Variants in XKR9 observed in about 807,000 individuals in gnomAD.
XKR9 encodes the protein XK related 9.
XKR9 carries 32 observed loss-of-function variants against 32.0 expected under a neutral mutation model. That is an observed-to-expected ratio of 1.00 (90% CI 0.76 to 1.34). XKR9 has a LOEUF of 1.34. XKR9 is among the 40% of genes most tolerant of loss of function. The probability of loss-of-function intolerance (pLI) is 0.00; values close to 1 mark genes in which losing one functional copy is unlikely to be tolerated. For missense variants in XKR9, 546 were observed against 429.7 expected (o/e 1.27, Z -2.39); for synonymous variants, 168 against 143.4 (o/e 1.17, Z -1.22).
chr8:70,785,481 A>G (rs1807672653), intron 2 of XKR9, among the ~76,000 whole-genome samples: 1 of 150,974 alleles, frequency 6.6e-6, no homozygotes, highest in African/African-American at 2.4e-5. Context: ...AAACAATTAA[A>G]TTGTTTTTCT....
intron 4 of XKR9, among the ~76,000 whole-genome samples, chr8:70,724,953 G>A (rs1198695953): frequency 6.6e-6 from 1 of 152,140 alleles, no homozygotes; most frequent in Non-Finnish European, 1.5e-5. Flanking sequence ...TTATAAAGAA[G>A]TTTAATCGAC....
chr8:70,856,830 C>T, the XKR9 span, among the ~76,000 whole-genome samples: 6 of 152,092 alleles, frequency 3.9e-5, no homozygotes, highest in South Asian at 2.1e-4. Flanking sequence ...CACTCAAAGC[C>T]GCTCAACTAC....
At chr8:71,055,983 T>C in the XKR9 span, among the ~76,000 whole-genome samples, 1 of 152,198 alleles carries the variant, frequency 6.6e-6, no homozygotes, top group African/African-American at 2.4e-5. Context: ...TTTTTGGAGT[T>C]GCAGTTCTAG....
At chr8:70,873,620 C>A in the XKR9 span, among the ~76,000 whole-genome samples, 2 of 152,146 alleles carry the variant, frequency 1.3e-5, no homozygotes, top group Non-Finnish European at 2.9e-5. Context: ...TTGCTGCAAT[C>A]TCATAATCAA....
chr8:70,743,280 T>C (rs1195608665), intron 2 of XKR9, among the ~76,000 whole-genome samples: 2 of 152,202 alleles, frequency 1.3e-5, no homozygotes, highest in African/African-American at 4.8e-5. Flanking sequence ...AAATTTTATG[T>C]ATTTTTATAT....
chr8:71,015,423 A>G, the XKR9 span, among the ~76,000 whole-genome samples: 4 of 152,276 alleles, frequency 2.6e-5, no homozygotes, highest in South Asian at 8.3e-4. Flanking sequence ...ATTGTTACCT[A>G]ACATCTTACC....
At chr8:70,821,658 G>A in the XKR9 span, among the ~76,000 whole-genome samples, 2 of 152,302 alleles carry the variant, frequency 1.3e-5, no homozygotes, top group South Asian at 2.1e-4. Context: ...GTGCCTTCAC[G>A]ATCAACATCA....
chr8:70,884,877 T>C, the XKR9 span, among the ~76,000 whole-genome samples: 2 of 152,200 alleles, frequency 1.3e-5, no homozygotes, highest in African/African-American at 2.4e-5. Flanking sequence ...TGCCTTTCCA[T>C]ATGAAATTTA....
At chr8:71,061,631 A>G in the XKR9 span, among the ~76,000 whole-genome samples, 5 of 152,192 alleles carry the variant, frequency 3.3e-5, no homozygotes, top group Admixed American at 3.3e-4. Flanking sequence ...TGTTTTCATT[A>G]GACAGACAGA....
intron 3 of XKR9, among the ~76,000 whole-genome samples, chr8:70,696,029 G>GT (rs1227257420): frequency 4.7e-4 from 69 of 146,284 alleles, no homozygotes; most frequent in Admixed American, 7.5e-4. Flanking sequence ...TGATGGGGTT[G>GT]TTTTTTTTTT....
the XKR9 span, among the ~76,000 whole-genome samples, chr8:70,971,005 G>A: frequency 2.8e-4 from 42 of 152,140 alleles, no homozygotes; most frequent in Admixed American, 2.6e-3. Flanking sequence ...ACATGCACAT[G>A]TATGTTTATG....
the XKR9 span, among the ~76,000 whole-genome samples, chr8:70,990,733 A>AAGAGAGAGAGAGAGAGAGAGAGAG: frequency 7.0e-6 from 1 of 143,190 alleles, no homozygotes. Flanking sequence ...TTGGCAGAAT[A>AAGAGAGAGAGAGAGAGAGAGAGAG]AGAGAGAGAG....
chr8:70,689,734 T>C (rs1819446043), intron 3 of XKR9, among the ~76,000 whole-genome samples: 2 of 152,066 alleles, frequency 1.3e-5, no homozygotes, highest in Admixed American at 1.3e-4. Context: ...TGAAAAGATA[T>C]CCAGGACTTA....
the XKR9 span, among the ~76,000 whole-genome samples, chr8:70,829,872 G>A: frequency 1.3e-5 from 2 of 152,080 alleles, no homozygotes; most frequent in Non-Finnish European, 2.9e-5. Context: ...ATGCTCAAAC[G>A]TGATACCACA....
chr8:70,937,684 A>G, the XKR9 span, among the ~76,000 whole-genome samples: 3 of 152,176 alleles, frequency 2.0e-5, no homozygotes, highest in Non-Finnish European at 4.4e-5. Flanking sequence ...CCATTTTACA[A>G]ATGAATAAAT....
At chr8:71,017,311 A>G in the XKR9 span, among the ~76,000 whole-genome samples, 1 of 152,202 alleles carries the variant, frequency 6.6e-6, no homozygotes, top group Non-Finnish European at 1.5e-5. Flanking sequence ...CAGTATGAAT[A>G]TTTTGAATTG....
At chr8:70,997,332 C>G in the XKR9 span, among the ~76,000 whole-genome samples, 1 of 151,844 alleles carries the variant, frequency 6.6e-6, no homozygotes, top group Non-Finnish European at 1.5e-5. Context: ...AAAACCCCCC[C>G]GCACAAGTTT....
chr8:70,765,434 C>A (rs1807362645), intron 2 of XKR9, among the ~76,000 whole-genome samples: 1 of 150,802 alleles, frequency 6.6e-6, no homozygotes, highest in South Asian at 2.1e-4. Context: ...TTTTAATGGA[C>A]TTTTGTAAAT....
At chr8:70,914,468 A>G in the XKR9 span, among the ~76,000 whole-genome samples, 1 of 151,968 alleles carries the variant, frequency 6.6e-6, no homozygotes, top group African/African-American at 2.4e-5. Context: ...TGTGGCTTTC[A>G]TTTTTATTTA....
Sources: allele counts gnomAD v4.1 joint callset (sites outside exome capture counted in the v4.1 genomes callset), GRCh38; gene constraint gnomAD v4.1.1; transcripts MANE v1.5; gene names NCBI Gene and HGNC (gene_info 2026-07-23, HGNC 2026-07-21).